CNTNAP2: variants seen among roughly 807,000 people sequenced by gnomAD.
The protein encoded by CNTNAP2 is contactin associated protein 2, also known as contactin-associated protein-like 2.
Under a neutral mutation model 155.2 loss-of-function variants are expected in CNTNAP2, and 98 were observed. The observed-to-expected ratio is 0.63, with a 90% CI of 0.54 to 0.75. The LOEUF (loss-of-function observed/expected upper bound fraction) is 0.75, where lower values mean the gene tolerates loss of function less well. Among genes scored for constraint, CNTNAP2 ranks in the 30% least tolerant of loss-of-function variants. The pLI is 0.00. For synonymous variants in CNTNAP2, 651 were observed against 631.2 expected (o/e 1.03, Z -0.47); for missense variants, 1,727 against 1,688.1 (o/e 1.02, Z -0.40).
At chr7:146,846,650 G>A (rs538389378) in intron 3 of CNTNAP2, among the ~76,000 whole-genome samples, 14 of 152,022 alleles carry the variant, frequency 9.2e-5, no homozygotes, top group Non-Finnish European at 1.3e-4. Context: ...AGGTTTCTTG[G>A]GACAATTTCT....
At chr7:146,224,763 C>T (rs148684346) in intron 1 of CNTNAP2, among the ~76,000 whole-genome samples, 1,774 of 152,120 alleles carry the variant, frequency 0.012, 16 homozygotes, top group Non-Finnish European at 0.016. Flanking sequence ...AGCGAAACTC[C>T]GTCTCAAAAA....
chr7:147,431,016 A>G (rs2116528342), intron 10 of CNTNAP2, among the ~76,000 whole-genome samples: 1 of 150,738 alleles, frequency 6.6e-6, no homozygotes, highest in East Asian at 2.0e-4. Flanking sequence ...CCCCTCCTGC[A>G]CTCCAGGCTG....
chr7:148,337,767 G>C (rs1457744294), intron 21 of CNTNAP2, among the ~76,000 whole-genome samples: 2 of 152,136 alleles, frequency 1.3e-5, no homozygotes, highest in Non-Finnish European at 2.9e-5. Context: ...TGGACTTTCG[G>C]GACACTTCTC....
chr7:146,891,000 A>G (rs1795763316), intron 3 of CNTNAP2, among the ~76,000 whole-genome samples: 1 of 152,180 alleles, frequency 6.6e-6, no homozygotes, highest in South Asian at 2.1e-4. Context: ...GTGCCCATCA[A>G]TGGTGGATTG....
chr7:147,640,765 T>C (rs78954515), intron 13 of CNTNAP2, among the ~76,000 whole-genome samples: 6,621 of 152,180 alleles, frequency 0.044, 440 homozygotes, highest in Admixed American at 0.15. Flanking sequence ...AACAGCTCCC[T>C]CATACAGAGA....
intron 5 of CNTNAP2, among the ~76,000 whole-genome samples, chr7:147,114,288 T>G (rs1043824744): frequency 7.2e-5 from 11 of 152,280 alleles, no homozygotes; most frequent in African/African-American, 2.4e-4. Context: ...CATATTCTGT[T>G]GTCTTGGGAT....
chr7:146,905,310 T>C (rs951652747), intron 3 of CNTNAP2, among the ~76,000 whole-genome samples: 2 of 152,016 alleles, frequency 1.3e-5, no homozygotes, highest in African/African-American at 2.4e-5. Flanking sequence ...CTACCACACC[T>C]TTCTGCCTGA....
intron 8 of CNTNAP2, among the ~76,000 whole-genome samples, chr7:147,178,913 T>C (rs1042617914): frequency 4.6e-5 from 7 of 152,202 alleles, no homozygotes; most frequent in African/African-American, 1.7e-4. Flanking sequence ...AAGTTCATTG[T>C]GGAAAGATGA....
intron 14 of CNTNAP2, among the ~76,000 whole-genome samples, chr7:147,941,984 A>C (rs1341284051): frequency 6.6e-6 from 1 of 152,170 alleles, no homozygotes; most frequent in Non-Finnish European, 1.5e-5. Context: ...GACTTTACTG[A>C]ATGTTGGCTG....
chr7:146,498,313 T>A (rs892269961), intron 1 of CNTNAP2, among the ~76,000 whole-genome samples: 1 of 152,162 alleles, frequency 6.6e-6, no homozygotes, highest in East Asian at 1.9e-4. Flanking sequence ...CCATCTTCAA[T>A]TACTTCACAG....
intron 9 of CNTNAP2, among the ~76,000 whole-genome samples, chr7:147,393,473 C>A (rs1333255970): frequency 6.7e-6 from 1 of 149,368 alleles, no homozygotes; most frequent in Non-Finnish European, 1.5e-5. Flanking sequence ...TGGTGAGACT[C>A]CCAATTATTC....
At chr7:148,055,887 T>G (rs894120895) in intron 15 of CNTNAP2, among the ~76,000 whole-genome samples, 2 of 152,270 alleles carry the variant, frequency 1.3e-5, no homozygotes, top group East Asian at 1.9e-4. Flanking sequence ...ATTTTGCAAT[T>G]TATAGCCTTG....
Position 146,116,859 on chromosome 7 carries a change from C to G in CNTNAP2, c.-18C>G, listed in dbSNP as rs879368718. ...TCCGCAGCGAGCTCTTGGAGCGCCG[C>G]CGGCCGGGAGGCGAAGGATGCAGGC... On this transcript the variant is annotated 5_prime_UTR_variant, in exon 1 of 24. Transcript: ENST00000361727. This position sits in a 1 kb window ranked among gnomAD's most constrained non-coding sequence, Gnocchi z 5.5. 140 of 1,537,334 alleles carry G rather than the reference C, an allele frequency of 9.1e-5. No individual in the cohort carries two copies. The highest frequency in any genetic ancestry group is 1.2e-4 in the Non-Finnish European group (136 of 1,139,164).
intron 13 of CNTNAP2, among the ~76,000 whole-genome samples, chr7:147,711,736 A>C (rs564262899): frequency 6.6e-6 from 1 of 152,310 alleles, no homozygotes; most frequent in South Asian, 2.1e-4. Context: ...TTAACACAGG[A>C]TGTCTATTAT....
intron 3 of CNTNAP2, among the ~76,000 whole-genome samples, chr7:146,853,608 A>G (rs558884211): frequency 1.3e-5 from 2 of 152,338 alleles, no homozygotes; most frequent in East Asian, 3.9e-4. Flanking sequence ...TGTGTCAATT[A>G]CTGTAACAAG....
intron 13 of CNTNAP2, among the ~76,000 whole-genome samples, chr7:147,836,402 A>G (rs1487145020): frequency 6.6e-6 from 1 of 151,110 alleles, no homozygotes; most frequent in African/African-American, 2.4e-5. Flanking sequence ...ACATGCTAGG[A>G]CCCTTCTCAC....
At chr7:147,840,765 A>G (rs1798714814) in intron 13 of CNTNAP2, among the ~76,000 whole-genome samples, 1 of 152,218 alleles carries the variant, frequency 6.6e-6, no homozygotes, top group Admixed American at 6.5e-5. Context: ...AAGGGAAGAT[A>G]GAAAGGTACT....
At chr7:146,305,096 C>A (rs1800685424) in intron 1 of CNTNAP2, among the ~76,000 whole-genome samples, 4 of 152,128 alleles carry the variant, frequency 2.6e-5, no homozygotes, top group Admixed American at 2.6e-4. Flanking sequence ...TCACGTCGTT[C>A]TCATGCCATG....
At chr7:147,117,921 T>A in intron 5 of CNTNAP2, among the ~76,000 whole-genome samples, 1 of 152,242 alleles carries the variant, frequency 6.6e-6, no homozygotes, top group Non-Finnish European at 1.5e-5. Flanking sequence ...CATAAAATAT[T>A]ATTTTTTACA....
Sources: allele counts gnomAD v4.1 joint callset (sites outside exome capture counted in the v4.1 genomes callset), GRCh38; gene constraint gnomAD v4.1.1; non-coding constraint Gnocchi (gnomAD v3.1); transcripts MANE v1.5; gene names NCBI Gene and HGNC (gene_info 2026-07-23, HGNC 2026-07-21).